The following IGSF11 variants were observed in gnomAD, a reference collection of about 807,000 sequenced individuals.
IGSF11 encodes the protein immunoglobulin superfamily member 11.
A neutral mutation model predicts 41.0 loss-of-function variants in IGSF11; 22 were observed. That is an observed-to-expected ratio of 0.54 (90% CI 0.38 to 0.77). IGSF11 has a LOEUF of 0.77. Among genes scored for constraint, IGSF11 ranks in the 30% least tolerant of loss-of-function variants. The pLI is 0.00. For missense variants in IGSF11, 444 were observed against 530.8 expected, an observed-to-expected ratio of 0.84 and a Z score of 1.61; for synonymous variants, 219 against 201.3, an observed-to-expected ratio of 1.09 and a Z score of -0.74.
intron 1 of IGSF11, among the ~76,000 whole-genome samples, chr3:119,104,263 A>T (rs1418147134): frequency 1.3e-5 from 2 of 152,152 alleles, no homozygotes; most frequent in Non-Finnish European, 2.9e-5. Context: ...AAACATCTCT[A>T]TATGTCCCCT....
chr3:119,000,609 C>T lies in IGSF11; in HGVS notation c.52+33922G>A, dbSNP rs976176316. Among the ~76,000 whole-genome samples, 4 of 151,510 alleles carry T rather than the reference C, an allele frequency of 2.6e-5. No homozygotes were observed. In the East Asian group the frequency reaches 5.8e-4, roughly 22 times the overall value. ...CCATCCAAATATATTTTGAATCAAA[C>T]CACTTCTCTTTCATCATTATTAATC... On this transcript the variant is annotated intron_variant, in intron 1 of 6. Transcript: ENST00000393775.
rs186420256 is a variant in IGSF11, at chr3:118,979,455, G to A, written c.53-49180C>T. On this transcript the variant is annotated intron_variant, in intron 1 of 6. Transcript: ENST00000393775. ...AAAACAATATACCTCGTTAATACAT[G>A]GTGCTGGAAAACTAGATAATCATGC... is the stretch of plus-strand genomic sequence containing the variant. 7.2e-5 allele frequency among the ~76,000 whole-genome samples: 11 copies of A among 152,178 alleles called. No homozygotes were observed. The East Asian group carries it at 1.2e-3, about 16-fold the overall frequency.
intron 4 of IGSF11, among the ~76,000 whole-genome samples, chr3:118,922,824 T>G (rs575227944): frequency 6.6e-6 from 1 of 152,264 alleles, no homozygotes; most frequent in East Asian, 1.9e-4. Context: ...TGATGATGTC[T>G]TCTTGCTGTG....
At chr3:119,105,115 T>C in intron 1 of IGSF11, 1 of 1,510,156 alleles carries the variant, frequency 6.6e-7, no homozygotes, top group South Asian at 1.1e-5. Context: ...CTAATAGTAA[T>C]AAAACTTTTC....
intron 4 of IGSF11, among the ~76,000 whole-genome samples, chr3:118,906,608 T>G (rs1212103426): frequency 6.6e-6 from 1 of 152,082 alleles, no homozygotes; most frequent in African/African-American, 2.4e-5. Context: ...TCAATTATGT[T>G]CCCCACATCA....
upstream of IGSF11, among the ~76,000 whole-genome samples, chr3:119,039,432 C>T (rs774431719): frequency 3.3e-5 from 5 of 152,296 alleles, no homozygotes; most frequent in East Asian, 1.9e-4. Flanking sequence ...TAAGGATCCT[C>T]GTGATTACAC....
At chr3:119,097,018 T>C (rs2076863735) in intron 1 of IGSF11, among the ~76,000 whole-genome samples, 1 of 152,164 alleles carries the variant, frequency 6.6e-6, no homozygotes, top group Non-Finnish European at 1.5e-5. Flanking sequence ...TCCACATCTC[T>C]CTTCTACTTT....
upstream of IGSF11, among the ~76,000 whole-genome samples, chr3:119,035,817 C>A (rs144122524): frequency 2.0e-5 from 3 of 152,260 alleles, no homozygotes; most frequent in African/African-American, 7.2e-5. Context: ...AATTTGAGGA[C>A]ATACCTGCCC....
intron 1 of IGSF11, among the ~76,000 whole-genome samples, chr3:118,997,896 C>A (rs1936429690): frequency 6.6e-6 from 1 of 152,118 alleles, no homozygotes; most frequent in Non-Finnish European, 1.5e-5. Context: ...ATGCTAAGAA[C>A]TTCCAGGTTT....
At chr3:119,134,811 T>C (rs1208787107) in intron 1 of IGSF11, among the ~76,000 whole-genome samples, 2 of 152,108 alleles carry the variant, frequency 1.3e-5, no homozygotes, top group Middle Eastern at 3.2e-3. Context: ...CAAACTATAC[T>C]ACAAGGCTAC....
intron 1 of IGSF11, among the ~76,000 whole-genome samples, chr3:118,971,321 AT>A (rs1234726812): frequency 1.3e-5 from 2 of 152,202 alleles, no homozygotes; most frequent in African/African-American, 4.8e-5. Context: ...AGGGGAAAAC[AT>A]TTTAGGTTTA....
intron 1 of IGSF11, among the ~76,000 whole-genome samples, chr3:119,052,557 G>T (rs1278876700): frequency 1.3e-5 from 2 of 152,000 alleles, no homozygotes; most frequent in Non-Finnish European, 2.9e-5. Flanking sequence ...GCTGAATTCT[G>T]TCAGACATTC....
Position 119,111,458 on chromosome 3 carries a change from T to C in IGSF11, c.-13-6253A>G, listed in dbSNP as rs538271032. On this transcript the variant is annotated intron_variant, in intron 1 of 7. Transcript: ENST00000425327. ...CAGCTCCATCAGTTCCTTTAAGCAC[T>C]TCTCTGTATTGGTTATTCTAGTCAT... is the stretch of plus-strand genomic sequence containing the variant. Among the ~76,000 whole-genome samples the C allele has an allele frequency of 9.8e-5, 15 of 152,332 alleles. No homozygotes were observed. The South Asian group carries it at 1.7e-3, about 17-fold the overall frequency.
intron 4 of IGSF11, among the ~76,000 whole-genome samples, chr3:118,923,314 C>G (rs1259481929): frequency 1.3e-5 from 2 of 152,156 alleles, no homozygotes; most frequent in African/African-American, 2.4e-5. Flanking sequence ...GTGAAAGGAA[C>G]TAGTTAGTGC....
At chr3:119,024,899 G>A (rs1387147315) in intron 1 of IGSF11, among the ~76,000 whole-genome samples, 1 of 152,086 alleles carries the variant, frequency 6.6e-6, no homozygotes, top group Non-Finnish European at 1.5e-5. Context: ...CTTACAGCCT[G>A]CTTTGAACTG....
intron 1 of IGSF11, chr3:118,943,089 G>A (rs184298038): frequency 6.6e-6 from 1 of 152,348 alleles, no homozygotes; most frequent in East Asian, 1.9e-4. Context: ...AGAAGCTGCA[G>A]AGCAACACAA....
chr3:119,022,487 ATACTT>A (rs1230487719), intron 1 of IGSF11, among the ~76,000 whole-genome samples: 2 of 152,248 alleles, frequency 1.3e-5, no homozygotes, highest in African/African-American at 4.8e-5. Context: ...ATTGGACTGT[ATACTT>A]TAAACGGGTG....
chr3:119,015,396 T>C (rs934358171), intron 1 of IGSF11, among the ~76,000 whole-genome samples: 1 of 152,188 alleles, frequency 6.6e-6, no homozygotes, highest in African/African-American at 2.4e-5. Flanking sequence ...ACTACAACCC[T>C]GTCACTTCAC....
chr3:119,098,982 C>T (rs778468030), intron 1 of IGSF11, among the ~76,000 whole-genome samples: 2 of 152,190 alleles, frequency 1.3e-5, no homozygotes, highest in Non-Finnish European at 2.9e-5. Flanking sequence ...TCCTAACCTA[C>T]TCCCTTTGGG....
Sources: gnomAD v4.1 joint callset for allele counts (sites outside exome capture counted in the v4.1 genomes callset) on GRCh38, gnomAD v4.1.1 for gene constraint, MANE v1.5 for transcripts, NCBI Gene and HGNC (gene_info 2026-07-23, HGNC 2026-07-21) for gene names.